DLC1: variants seen among roughly 807,000 people sequenced by gnomAD.
DLC1 encodes rho GTPase-activating protein 7.
Under a neutral mutation model 140.3 loss-of-function variants are expected in DLC1, and 54 were observed. The ratio of observed to expected loss-of-function variants is 0.38; its 90% confidence interval spans 0.31 to 0.48. The LOEUF is 0.48. Among genes scored for constraint, DLC1 ranks in the 20% least tolerant of loss-of-function variants. DLC1 has a pLI of 0.96. For synonymous variants in DLC1, 986 were observed against 728.1 expected (o/e 1.35, Z -5.70); for missense variants, 2,536 against 1,907.0 (o/e 1.33, Z -6.14).
At chr8:13,335,920 A>C (rs1186427898) in intron 4 of DLC1, among the ~76,000 whole-genome samples, 1 of 152,084 alleles carries the variant, frequency 6.6e-6, no homozygotes, top group African/African-American at 2.4e-5. Flanking sequence ...TTTGCAAGGA[A>C]TAAGTTTTCT....
At chr8:13,314,573 G>C (rs1049286115) in intron 4 of DLC1, among the ~76,000 whole-genome samples, 4 of 152,030 alleles carry the variant, frequency 2.6e-5, no homozygotes, top group African/African-American at 7.2e-5. Context: ...TATAAGCTTA[G>C]TTTCATTTTA....
chr8:13,107,120 G>A (rs1819631040), intron 7 of DLC1, among the ~76,000 whole-genome samples: 1 of 152,234 alleles, frequency 6.6e-6, no homozygotes, highest in Non-Finnish European at 1.5e-5. Flanking sequence ...ACCCCTTGCA[G>A]TGTGAATGTA....
intron 2 of DLC1, among the ~76,000 whole-genome samples, chr8:13,427,288 C>T (rs1017511286): frequency 5.3e-5 from 8 of 152,134 alleles, no homozygotes; most frequent in Non-Finnish European, 8.8e-5. Flanking sequence ...CAACTCGGCT[C>T]ATGGGGCTCT....
At chr8:13,260,451 C>G (rs1322541098) in intron 5 of DLC1, among the ~76,000 whole-genome samples, 1 of 151,970 alleles carries the variant, frequency 6.6e-6, no homozygotes, top group African/African-American at 2.4e-5. Flanking sequence ...GGTAAGGCCA[C>G]CTGTAGAAGA....
intron 1 of DLC1, among the ~76,000 whole-genome samples, chr8:13,590,831 A>C (rs1229065495): frequency 6.6e-6 from 1 of 152,158 alleles, no homozygotes; most frequent in Non-Finnish European, 1.5e-5. Flanking sequence ...CTATCAATGT[A>C]ATTAAAAATG....
intron 4 of DLC1, among the ~76,000 whole-genome samples, chr8:13,377,525 A>G (rs957656362): frequency 4.7e-4 from 72 of 152,196 alleles, no homozygotes; most frequent in African/African-American, 1.7e-3. Context: ...AAATGAAAAC[A>G]GCAAATATAT....
At chr8:13,089,079 T>G (rs1817818461) in intron 15 of DLC1, among the ~76,000 whole-genome samples, 2 of 151,598 alleles carry the variant, frequency 1.3e-5, no homozygotes, top group Non-Finnish European at 2.9e-5. Flanking sequence ...GCCAACATGG[T>G]GAAACCCTGT....
chr8:13,495,250 A>T (rs1484375107), intron 2 of DLC1, among the ~76,000 whole-genome samples: 1 of 152,208 alleles, frequency 6.6e-6, no homozygotes, highest in African/African-American at 2.4e-5. Context: ...CTCTCTAATT[A>T]GTAACCCACT....
chr8:13,535,643 GTGAGGGCGT>G (rs1364451152), intron 1 of DLC1, among the ~76,000 whole-genome samples: 3 of 140,086 alleles, frequency 2.1e-5, no homozygotes, highest in Non-Finnish European at 4.6e-5. Flanking sequence ...CAAGATTTAA[GTGAGGGCGT>G]GGGGATCATT....
At chr8:13,252,021 G>C (rs1830029248) in intron 5 of DLC1, among the ~76,000 whole-genome samples, 1 of 152,136 alleles carries the variant, frequency 6.6e-6, no homozygotes, top group Non-Finnish European at 1.5e-5. Flanking sequence ...CAGATGCTGG[G>C]ACATTGAATA....
At chr8:13,200,347 C>T (rs535020336) in intron 5 of DLC1, among the ~76,000 whole-genome samples, 7 of 152,066 alleles carry the variant, frequency 4.6e-5, no homozygotes, top group Non-Finnish European at 1.0e-4. Context: ...CAGGCATGAG[C>T]CACTGCACCT....
chr8:13,568,038 T>C (rs1804517469), intron 1 of DLC1: 2 of 1,354,560 alleles, frequency 1.5e-6, no homozygotes, highest in South Asian at 3.2e-5. Context: ...TTTACTATGC[T>C]TCCTTCACAG....
chr8:13,406,275 C>T (rs1229488562), intron 2 of DLC1, among the ~76,000 whole-genome samples: 1 of 150,794 alleles, frequency 6.6e-6, no homozygotes, highest in Non-Finnish European at 1.5e-5. Flanking sequence ...ACCTCAGCCT[C>T]CTGAAGTGCT....
At chr8:13,201,743 TAA>T (rs1827390806) in intron 5 of DLC1, among the ~76,000 whole-genome samples, 2 of 152,168 alleles carry the variant, frequency 1.3e-5, no homozygotes, top group African/African-American at 4.8e-5. Flanking sequence ...ATAGTTTCTC[TAA>T]AACGCATCAT....
chr8:13,315,357 G>A (rs77406663), intron 4 of DLC1, among the ~76,000 whole-genome samples: 1 of 152,180 alleles, frequency 6.6e-6, no homozygotes, highest in Non-Finnish European at 1.5e-5. Flanking sequence ...CCAAACATTT[G>A]GTGCTTTCAA....
chr8:13,344,442 G>A (rs929944378), intron 4 of DLC1, among the ~76,000 whole-genome samples: 4 of 152,186 alleles, frequency 2.6e-5, no homozygotes, highest in Non-Finnish European at 5.9e-5. Flanking sequence ...GCAGTGAGCC[G>A]AGATCACGCC....
chr8:13,563,735 G>C (rs36033048), intron 1 of DLC1, among the ~76,000 whole-genome samples: 43,671 of 152,058 alleles, frequency 0.29, 6,597 homozygotes, highest in Middle Eastern at 0.37. Flanking sequence ...CATATAGCTA[G>C]AAATGTATGT....
intron 2 of DLC1, among the ~76,000 whole-genome samples, chr8:13,436,578 G>A (rs1020492403): frequency 6.6e-6 from 1 of 152,088 alleles, no homozygotes; most frequent in African/African-American, 2.4e-5. Flanking sequence ...GTTCCTGTAG[G>A]AGTAACTAAA....
chr8:13,498,901 C>G, intron 2 of DLC1, 148 bp downstream of exon 2: 3 of 838,246 alleles, frequency 3.6e-6, no homozygotes, highest in Non-Finnish European at 1.7e-6. Context: ...GATGGTTTGA[C>G]CAAGTGGGTA....
Sources: gnomAD v4.1 joint callset for allele counts (sites outside exome capture counted in the v4.1 genomes callset) on GRCh38, gnomAD v4.1.1 for gene constraint, MANE v1.5 for transcripts, NCBI Gene and HGNC (gene_info 2026-07-23, HGNC 2026-07-21) for gene names.